Variants in IL1RAPL2 observed in about 807,000 individuals in gnomAD.
The protein encoded by IL1RAPL2 is interleukin 1 receptor accessory protein like 2, also known as X-linked interleukin-1 receptor accessory protein-like 2.
IL1RAPL2 carries 3 observed loss-of-function variants against 44.1 expected under a neutral mutation model. The ratio of observed to expected loss-of-function variants is 0.07; its 90% CI spans 0.03 to 0.18. The LOEUF (loss-of-function observed/expected upper bound fraction) is 0.18, where lower values mean the gene tolerates loss of function less well. Ranked by LOEUF, IL1RAPL2 falls within the 10% of genes least tolerant of loss-of-function variation. The pLI, the probability that IL1RAPL2 is intolerant of heterozygous loss-of-function variation, is 1.00. For synonymous variants in IL1RAPL2, 181 were observed against 178.8 expected (o/e 1.01, Z -0.10); for missense variants, 391 against 496.4 (o/e 0.79, Z 2.02).
At chrX:104,676,156 T>C (rs1930749400) in intron 2 of IL1RAPL2, among the ~76,000 whole-genome samples, 1 of 110,707 alleles carries the variant, frequency 9.0e-6, no homozygotes. Flanking sequence ...TGTTAGCTGG[T>C]TATTTTGCTC....
At chrX:105,529,739 G>T (rs73529011) in intron 6 of IL1RAPL2, among the ~76,000 whole-genome samples, 1 of 111,009 alleles carries the variant, frequency 9.0e-6, no homozygotes, top group African/African-American at 3.3e-5. Flanking sequence ...CATTCCGCCT[G>T]TCTCTATTCC....
intron 5 of IL1RAPL2, among the ~76,000 whole-genome samples, chrX:105,288,578 A>G (rs2034588612): frequency 8.9e-6 from 1 of 111,754 alleles, no homozygotes; most frequent in South Asian, 3.7e-4. Context: ...ACTTCTAAAT[A>G]TATTTTACAC....
intron 7 of IL1RAPL2, among the ~76,000 whole-genome samples, chrX:105,731,485 T>C (rs1399426479): frequency 9.1e-6 from 1 of 110,264 alleles, no homozygotes; most frequent in African/African-American, 3.3e-5. Context: ...AAAATGAAAT[T>C]AGTATCTCAA....
At chrX:104,730,719 G>A (rs1270151256) in intron 2 of IL1RAPL2, among the ~76,000 whole-genome samples, 7 of 107,020 alleles carry the variant, frequency 6.5e-5, no homozygotes, top group African/African-American at 1.7e-4. Context: ...ATGATTTATA[G>A]TCCTTTGGGT....
intron 2 of IL1RAPL2, among the ~76,000 whole-genome samples, chrX:105,127,890 A>T (rs6652914): frequency 5.4e-5 from 6 of 111,409 alleles, no homozygotes; most frequent in African/African-American, 1.6e-4. Flanking sequence ...AGCAAAAACT[A>T]CAAATAGAAA....
In IL1RAPL2 at chrX:105,322,442, T is replaced by C. The variant is rs772612892; in HGVS notation, c.697+54901T>C. The stretch of plus-strand genomic sequence containing the variant: ...AAATCAAGTTGTTGTTTGGGTTGTG[T>C]TCCCATCTGGAGCTTGGGATCCTTT... On this transcript the variant is annotated intron_variant, in intron 5 of 10. Transcript: ENST00000372582. 2.7e-5 allele frequency among the ~76,000 whole-genome samples: 3 copies of C among 112,277 alleles called. No homozygotes were observed. The South Asian group carries it at 1.1e-3, about 42-fold the overall frequency.
At chrX:105,125,355 T>G (rs975122543) in intron 2 of IL1RAPL2, among the ~76,000 whole-genome samples, 1 of 110,798 alleles carries the variant, frequency 9.0e-6, no homozygotes, top group African/African-American at 3.3e-5. Flanking sequence ...TTTTAAAAAG[T>G]CATTTAATTA....
At chrX:104,829,397 C>T (rs774181060) in intron 2 of IL1RAPL2, among the ~76,000 whole-genome samples, 7 of 111,478 alleles carry the variant, frequency 6.3e-5, no homozygotes, top group African/African-American at 1.3e-4. Context: ...TTCCACCACC[C>T]CTTGCAAATC....
At chrX:105,748,327 AT>A (rs2038567772) in intron 8 of IL1RAPL2, among the ~76,000 whole-genome samples, 1 of 112,080 alleles carries the variant, frequency 8.9e-6, no homozygotes, top group Non-Finnish European at 1.9e-5. Context: ...TGGATTTCTC[AT>A]TCTGTTTTAG....
intron 2 of IL1RAPL2, among the ~76,000 whole-genome samples, chrX:104,729,347 G>T (rs1931858166): frequency 9.2e-6 from 1 of 108,496 alleles, no homozygotes; most frequent in African/African-American, 3.3e-5. Flanking sequence ...TTGGAGGGTT[G>T]TTGAGATTTC....
At chrX:105,091,537 C>T in intron 2 of IL1RAPL2, among the ~76,000 whole-genome samples, 1 of 111,166 alleles carries the variant, frequency 9.0e-6, no homozygotes, top group Admixed American at 9.6e-5. Flanking sequence ...CAAAGCAAAC[C>T]AGGATGGTTA....
At chrX:104,617,585 T>C (rs1416885074) in intron 1 of IL1RAPL2, among the ~76,000 whole-genome samples, 1 of 112,218 alleles carries the variant, frequency 8.9e-6, no homozygotes, top group Non-Finnish European at 1.9e-5. Context: ...TCTGGGTTAG[T>C]TTGAAAGACC....
intron 1 of IL1RAPL2, among the ~76,000 whole-genome samples, chrX:104,655,432 T>C (rs973440443): frequency 8.9e-6 from 1 of 111,952 alleles, no homozygotes; most frequent in Non-Finnish European, 1.9e-5. Context: ...GAGATAAACA[T>C]GTGGTTTTTG....
intron 6 of IL1RAPL2, among the ~76,000 whole-genome samples, chrX:105,685,990 G>A (rs2037969329): frequency 9.0e-6 from 1 of 111,442 alleles, no homozygotes; most frequent in African/African-American, 3.3e-5. Context: ...ATCCTTTACA[G>A]ACAAGCAAAT....
intron 2 of IL1RAPL2, among the ~76,000 whole-genome samples, chrX:104,947,150 A>C (rs1307833591): frequency 8.9e-6 from 1 of 111,763 alleles, no homozygotes; most frequent in Non-Finnish European, 1.9e-5. Context: ...TTTGATTTGT[A>C]TTTCTCTGAT....
At chrX:105,766,273 G>A (rs1390346022) in intron 10 of IL1RAPL2, among the ~76,000 whole-genome samples, 1 of 111,778 alleles carries the variant, frequency 8.9e-6, no homozygotes, top group Non-Finnish European at 1.9e-5. Context: ...TGGAACAAAA[G>A]CAGCCAGTTC....
At chrX:104,819,024 A>G (rs1426669815) in intron 2 of IL1RAPL2, among the ~76,000 whole-genome samples, 2 of 112,068 alleles carry the variant, frequency 1.8e-5, no homozygotes, top group African/African-American at 6.5e-5. Context: ...TTGCATGTGG[A>G]AAAGACAGTT....
At chrX:104,813,684 T>G (rs1449178173) in intron 2 of IL1RAPL2, among the ~76,000 whole-genome samples, 2 of 111,566 alleles carry the variant, frequency 1.8e-5, no homozygotes, top group African/African-American at 6.5e-5. Flanking sequence ...AGACTCAGCT[T>G]CTTTTCATTA....
At chrX:104,838,048 T>C (rs1377190298) in intron 2 of IL1RAPL2, among the ~76,000 whole-genome samples, 1 of 111,666 alleles carries the variant, frequency 9.0e-6, no homozygotes, top group Non-Finnish European at 1.9e-5. Context: ...AAGTGTATCA[T>C]GTTATTTCTG....
Sources: gnomAD v4.1 joint callset for allele counts (sites outside exome capture counted in the v4.1 genomes callset) on GRCh38, gnomAD v4.1.1 for gene constraint, MANE v1.5 for transcripts, NCBI Gene and HGNC (gene_info 2026-07-23, HGNC 2026-07-21) for gene names.